The following DCC variants were observed in gnomAD, a reference collection of about 807,000 sequenced individuals.
DCC encodes netrin receptor DCC.
In DCC, 58 loss-of-function variants were observed where a neutral mutation model predicts 172.5. The observed-to-expected ratio is 0.34, with a 90% CI of 0.27 to 0.42. DCC has a LOEUF of 0.42. Among genes scored for constraint, DCC ranks in the 10% least tolerant of loss-of-function variants. DCC has a pLI of 1.00. For missense variants in DCC, 1,740 were observed against 1,791.0 expected (o/e 0.97, Z 0.51); for synonymous variants, 709 against 644.5 (o/e 1.10, Z -1.52).
At chr18:53,162,124 C>A (rs923725339) in intron 8 of DCC, among the ~76,000 whole-genome samples, 2 of 151,972 alleles carry the variant, frequency 1.3e-5, no homozygotes, top group African/African-American at 4.8e-5. Flanking sequence ...CATAATGAAA[C>A]CCCGTTTCCA....
chr18:52,719,491 C>T (rs184238229), intron 1 of DCC, among the ~76,000 whole-genome samples: 2 of 152,098 alleles, frequency 1.3e-5, no homozygotes, highest in East Asian at 3.9e-4. Context: ...TATTACTGGG[C>T]CCTGAGCTAT....
chr18:52,807,147 G>C (rs958282557), intron 2 of DCC, among the ~76,000 whole-genome samples: 4 of 152,122 alleles, frequency 2.6e-5, no homozygotes, highest in African/African-American at 9.7e-5. Context: ...GTGAGCCGAG[G>C]TCGCGCCACT....
chr18:53,279,914 C>A (rs1348832906), intron 12 of DCC, among the ~76,000 whole-genome samples: 1 of 151,872 alleles, frequency 6.6e-6, no homozygotes, highest in Non-Finnish European at 1.5e-5. Flanking sequence ...AAGACTAGAA[C>A]AACGGACACT....
At chr18:52,816,045 A>T (rs1485845136) in intron 2 of DCC, among the ~76,000 whole-genome samples, 1 of 152,260 alleles carries the variant, frequency 6.6e-6, no homozygotes, top group Non-Finnish European at 1.5e-5. Context: ...GCATTGTGTC[A>T]GATATTTTCT....
At chr18:53,010,721 A>G (rs1261022835) in intron 5 of DCC, among the ~76,000 whole-genome samples, 1 of 150,946 alleles carries the variant, frequency 6.6e-6, no homozygotes, top group Admixed American at 6.6e-5. Context: ...ATAATTATTT[A>G]TAATGTTTAT....
At chr18:52,732,709 C>G (rs978669026) in intron 1 of DCC, among the ~76,000 whole-genome samples, 8 of 152,292 alleles carry the variant, frequency 5.3e-5, no homozygotes, top group Non-Finnish European at 8.8e-5. Context: ...CAAATTCATA[C>G]TTATTCTTTG....
chr18:52,900,265 A>AT (rs777193197), intron 2 of DCC, among the ~76,000 whole-genome samples: 1 of 152,208 alleles, frequency 6.6e-6, no homozygotes, highest in Non-Finnish European at 1.5e-5. Flanking sequence ...TCTAGGAACA[A>AT]ATTGGGGTTA....
chr18:52,912,155 C>T (rs139205720), intron 3 of DCC, among the ~76,000 whole-genome samples: 58 of 152,200 alleles, frequency 3.8e-4, no homozygotes, highest in African/African-American at 1.1e-3. Flanking sequence ...GGTTTCACCA[C>T]CTGGTAATTG....
intron 1 of DCC, among the ~76,000 whole-genome samples, chr18:52,420,656 A>G (rs1031236640): frequency 6.6e-6 from 1 of 152,148 alleles, no homozygotes; most frequent in African/African-American, 2.4e-5. Context: ...GATAGTAACA[A>G]TAGTAATTGA....
intron 12 of DCC, among the ~76,000 whole-genome samples, chr18:53,220,739 C>T (rs943231552): frequency 1.3e-5 from 2 of 152,076 alleles, no homozygotes; most frequent in African/African-American, 2.4e-5. Flanking sequence ...AGTTATCCAT[C>T]CATTTAATTC....
At chr18:53,239,032 C>T (rs867928083) in intron 12 of DCC, among the ~76,000 whole-genome samples, 7 of 77,312 alleles carry the variant, frequency 9.1e-5, no homozygotes, top group African/African-American at 1.6e-4. Flanking sequence ...CATCACACAC[C>T]GGGGCCTGTT....
intron 27 of DCC, among the ~76,000 whole-genome samples, chr18:53,507,569 C>T (rs16956862): frequency 0.043 from 6,479 of 152,190 alleles, 461 homozygotes; most frequent in African/African-American, 0.15. Context: ...CCAGGATCTC[C>T]TTATTTACCG....
intron 22 of DCC, among the ~76,000 whole-genome samples, chr18:53,442,090 T>G (rs943215629): frequency 1.3e-5 from 2 of 152,172 alleles, no homozygotes; most frequent in African/African-American, 4.8e-5. Context: ...CCATACATTC[T>G]CATTGTTATA....
chr18:53,305,527 C>T, intron 12 of DCC, 51 bp from the exon 13 acceptor site: 14 of 1,489,890 alleles, frequency 9.4e-6, no homozygotes, highest in Non-Finnish European at 1.3e-5. Flanking sequence ...TGACCCTGTC[C>T]CATTGTCCTT....
intron 2 of DCC, among the ~76,000 whole-genome samples, chr18:52,774,702 G>C (rs2037398461): frequency 6.6e-6 from 1 of 152,078 alleles, no homozygotes; most frequent in South Asian, 2.1e-4. Context: ...CCTGGTTACT[G>C]CCTGTTTTCT....
chr18:53,271,495 A>C (rs2056748624), intron 12 of DCC, among the ~76,000 whole-genome samples: 1 of 152,086 alleles, frequency 6.6e-6, no homozygotes, highest in African/African-American at 2.4e-5. Context: ...TGCAAGTTTG[A>C]CTGGGGAAGG....
chr18:53,352,092 A>G lies in DCC; in HGVS notation c.2359+12185A>G, dbSNP rs928987243. Among the ~76,000 whole-genome samples, 6 of 152,188 alleles carry G rather than the reference A, an allele frequency of 3.9e-5. No individual in the cohort carries two copies. In the South Asian group the frequency reaches 1.0e-3, roughly 26 times the overall value. On this transcript the variant is annotated intron_variant, in intron 15 of 28. Coordinates refer to ENST00000442544, the MANE Select transcript of DCC (RefSeq NM_005215.4). ...TCAGAACTTGCAGATAGAGCACTCT[A>G]TTGCAGGAAAATCCCTCTTTCTATA...
intron 5 of DCC, among the ~76,000 whole-genome samples, chr18:52,977,294 A>G (rs189334217): frequency 6.6e-6 from 1 of 152,324 alleles, no homozygotes; most frequent in Non-Finnish European, 1.5e-5. Context: ...GCTATCCATT[A>G]GAATTACCTG....
chr18:52,595,958 GCTTCT>G (rs1267332300), intron 1 of DCC, among the ~76,000 whole-genome samples: 1 of 152,156 alleles, frequency 6.6e-6, no homozygotes, highest in African/African-American at 2.4e-5. Context: ...TCTTTCAGAT[GCTTCT>G]CTTAAGGACA....
Sources: allele counts gnomAD v4.1 joint callset (sites outside exome capture counted in the v4.1 genomes callset), GRCh38; gene constraint gnomAD v4.1.1; transcripts MANE v1.5; gene names NCBI Gene and HGNC (gene_info 2026-07-23, HGNC 2026-07-21).